The following KIFC2 variants were observed in gnomAD, a reference collection of about 807,000 sequenced individuals.
KIFC2 encodes the protein kinesin family member C2.
In KIFC2, 94 loss-of-function variants were observed where a neutral mutation model predicts 91.5. The observed-to-expected ratio is 1.03, with a 90% CI of 0.87 to 1.22. The LOEUF is 1.22. Ranked by LOEUF, KIFC2 falls within the 50% of genes most tolerant of loss-of-function variation. KIFC2 has a pLI of 0.00. For synonymous variants in KIFC2, 729 were observed against 503.9 expected, an observed-to-expected ratio of 1.45 and a Z score of -5.98; for missense variants, 1,357 against 1,103.3, an observed-to-expected ratio of 1.23 and a Z score of -3.26.
rs367916293 is a variant in KIFC2 at position 144,474,198 on chromosome 8, G to C, written c.*809G>C. 1.0e-5 allele frequency: 15 copies of C among 1,453,190 alleles called. No individual in the cohort carries two copies. The highest frequency in any genetic ancestry group is 1.3e-5 in the Non-Finnish European group (14 of 1,079,440). 90.0% of individuals were successfully genotyped at this position (1,453,190 alleles called of 1,614,324 possible). ...TTGGCTCCCTGTCAACAAGGTGGGG[G>C]TGGGAGCGGGAGGGAGGAGTGGCCC... On this transcript the variant is annotated 3_prime_UTR_variant, in exon 18 of 18. Coordinates refer to ENST00000645548, the MANE Select transcript of KIFC2 (RefSeq NM_001369769.2).
Position 144,473,349 on chromosome 8 carries a change from C to A in KIFC2, c.2336C>A (p.Ser779Ter). ...SPPCPSPDNG[S>*]GSALAPAEGL... ...CCATGCCCCAGTCCCGACAACGGCT[C>A]GGGCTCGGCTCTCGCGCCCGCAGAG... The change falls in exon 18 of 18, where the codon TCG (serine) becomes TAG (stop). Residue 779 changes from serine (S) to a stop codon, truncating the protein, a stop_gained. Coordinates refer to ENST00000645548, the MANE Select transcript of KIFC2 (RefSeq NM_001369769.2). LOFTEE classifies it low-confidence loss of function (END_TRUNC). The A allele has an allele frequency of 1.3e-6, 2 of 1,586,546 alleles. No individual in the cohort carries two copies. Among genetic ancestry groups the A allele is most frequent in the East Asian group, 2.3e-5 (1 of 43,140 alleles).
At chr8:144,470,391 G>C (rs1824878938) in intron 12 of KIFC2, among the ~76,000 whole-genome samples, 2 of 152,228 alleles carry the variant, frequency 1.3e-5, no homozygotes, top group Admixed American at 1.3e-4. Flanking sequence ...TCCTGGACAG[G>C]GTCCTCTCAG....
In KIFC2 at chr8:144,468,178, C is replaced by T. The variant is rs533391173; in HGVS notation, c.811-151C>T. On this transcript the variant is annotated intron_variant, in intron 7 of 17. Transcript: ENST00000645548. ...CTCTGAGTGGCTGACCCCAGGAGAG[C>T]AGAGGGACTGTGGGAAGGAGGTCTG... 56 of 1,021,238 alleles carry T rather than the reference C, an allele frequency of 5.5e-5. No individual in the cohort carries two copies. The East Asian group carries it at 1.4e-3, about 25-fold the overall frequency. The allele number at this position is 1,021,238 out of a possible 1,614,324, so 63.3% of individuals were successfully genotyped here.
At chr8:144,470,438 C>T (rs1028979022) in intron 12 of KIFC2, 2 of 152,332 alleles carry the variant, frequency 1.3e-5, no homozygotes, top group African/African-American at 2.4e-5. Flanking sequence ...GTGGACAAGC[C>T]CCTCATCTGT....
chr8:144,468,280 C>T (rs981382696), intron 7 of KIFC2, 49 bp from the exon 8 acceptor site: 6 of 1,503,506 alleles, frequency 4.0e-6, no homozygotes, highest in Admixed American at 1.9e-5. Flanking sequence ...TGAAATGGTA[C>T]CACAGACCGT....
intron 10 of KIFC2, 45 bp downstream of exon 10, chr8:144,468,879 T>G (rs1265910769): frequency 6.6e-7 from 1 of 1,517,474 alleles, no homozygotes; most frequent in Non-Finnish European, 9.1e-7. Flanking sequence ...GGGCAGCCTA[T>G]TCACTGTTCT....
At chr8:144,471,852 C>G in intron 12 of KIFC2, 90 bp from the exon 13 acceptor site, 1 of 1,148,188 alleles carries the variant, frequency 8.7e-7, no homozygotes, top group South Asian at 1.3e-5. Context: ...TCTGCTCACA[C>G]CTGCCTTCGT....
chr8:144,468,830 G>A lies in KIFC2; in HGVS notation c.1109G>A (p.Gly370Asp), dbSNP rs758911294. 13 of 1,613,042 alleles carry A rather than the reference G, an allele frequency of 8.1e-6. No individual in the cohort carries two copies. In the Admixed American group the frequency reaches 2.0e-4, roughly 25 times the overall value. Reference protein sequence around the residue: ...SCQGSLSEARGQVSWALGALS... With the variant: ...SCQGSLSEARDQVSWALGALS... ...CAGGGTTCGCTGAGTGAGGCCCGGG[G>A]CCAGGTCAGGACCCCTCCCCGCCTA... Residue 370 changes from glycine (G) to aspartate (D), a missense_variant, in exon 10 of 18, where the codon GGC (glycine) becomes GAC (aspartate). Gly to Asp is a moderately conservative substitution (Grantham distance 94). Transcript: ENST00000645548.
chr8:144,466,568 C>A, intron 1 of KIFC2, 50 bp downstream of exon 1: 1 of 1,029,154 alleles, frequency 9.7e-7, no homozygotes. Flanking sequence ...CCTGCCCCAC[C>A]CCCACGCCGA....
chr8:144,469,524 G>A lies in KIFC2; in HGVS notation c.1257G>A (p.Gly419=), dbSNP rs750410305. 2.5e-6 allele frequency: 4 copies of A among 1,614,002 alleles called. No homozygotes were observed. Among genetic ancestry groups the A allele is most frequent in the South Asian group, 1.1e-5 (1 of 91,090 alleles). ...GTGTGCTGTGTCGGCTGAGGCCAGG[G>A]ACATCTTCTAGCCTTGTGAGTGTGG... ...NIRVLCRLRP[G]TSSSLVSVEP... The change falls in exon 12 of 18, where the codon GGG becomes GGA. Residue 419 remains glycine (G), a synonymous_variant. Transcript: ENST00000645548.
Position 144,468,309 on chromosome 8 carries a change from T to G in KIFC2, c.811-20T>G. On this transcript the variant is annotated intron_variant, in intron 7 of 17. Transcript: ENST00000645548. ...AGACCGTCCCTCTCTGAGTCCCTCC[T>G]GGCCCCCACCCTCCCGCAGGAGGAG... is the stretch of plus-strand genomic sequence containing the variant. 6.3e-7 allele frequency: 1 copy of G among 1,598,118 alleles called. No individual in the cohort carries two copies. The highest frequency in any genetic ancestry group is 8.5e-7 in the Non-Finnish European group (1 of 1,172,076).
Position 144,467,971 on chromosome 8 carries a change from C to A in KIFC2, c.794C>A (p.Pro265His), listed in dbSNP as rs1393337981. ...CTGCTGCACTGGGGCCCCGGGCCCC[C>A]CATCAGGGCTCCGCAGGTACTCTGC... Reference protein sequence around the residue: ...DLLLHWGPGPPIRAPQEEAEA... With the variant: ...DLLLHWGPGPHIRAPQEEAEA... The change falls in exon 7 of 18, where the codon CCC becomes CAC. Residue 265 changes from proline to histidine, a missense_variant. By Grantham distance (77) the Pro-to-His change is moderately conservative. Coordinates refer to ENST00000645548, the MANE Select transcript of KIFC2 (RefSeq NM_001369769.2). 3 of 1,576,596 alleles carry A rather than the reference C, an allele frequency of 1.9e-6. No individual in the cohort carries two copies. The highest frequency in any genetic ancestry group is 1.2e-5 in the South Asian group (1 of 86,116).
Position 144,466,367 on chromosome 8 carries a change from G to GC in KIFC2, c.-52dup, listed in dbSNP as rs941063749. 3 of 762,380 alleles carry GC rather than the reference G, an allele frequency of 3.9e-6. No individual in the cohort carries two copies. The highest frequency in any genetic ancestry group is 5.1e-6 in the Non-Finnish European group (3 of 583,640). 47.2% of individuals were successfully genotyped at this position (762,380 alleles called of 1,614,324 possible). On this transcript the variant is annotated 5_prime_UTR_variant, in exon 1 of 18. Transcript: ENST00000645548. ...TGCGGCGGGCGGGCGCCGAGTCTGG[G>GC]CGCGGGGACGCGGGGCGGCGCGAAG...
rs762058316 is a variant in KIFC2, at chr8:144,466,998, AGGGCCGCGCGGCCGC to A, written c.221_235del (p.Gly74_Ala78del). ...GAGGATGGGTCGGAAGGCGCAGCCG[AGGGCCGCGCGGCCGC>A]GGTGTCCCTGGAAGAGGCCCTACTG... On this transcript the variant is annotated inframe_deletion, in exon 3 of 18. Coordinates refer to ENST00000645548, the MANE Select transcript of KIFC2 (RefSeq NM_001369769.2). The A allele has an allele frequency of 1.3e-6, 2 of 1,597,578 alleles. No individual in the cohort carries two copies. Among genetic ancestry groups the A allele is most frequent in the African/African-American group, 2.7e-5 (2 of 74,674 alleles).
intron 7 of KIFC2, 55 bp downstream of exon 7, chr8:144,468,042 G>A: frequency 6.7e-7 from 1 of 1,482,114 alleles, no homozygotes; most frequent in Non-Finnish European, 8.9e-7. Flanking sequence ...TTGCACACCT[G>A]GCATGCAGCC....
At chr8:144,472,767 C>G in intron 16 of KIFC2, 28 bp from the exon 17 acceptor site, 2 of 1,591,584 alleles carry the variant, frequency 1.3e-6, no homozygotes, top group Middle Eastern at 3.4e-4. Context: ...CCGGCCTTCC[C>G]CCATGTCGGG....
chr8:144,468,360 G>A lies in KIFC2; in HGVS notation c.842G>A (p.Gly281Asp). The A allele has an allele frequency of 1.9e-6, 3 of 1,612,718 alleles. No individual in the cohort carries two copies. The highest frequency in any genetic ancestry group is 2.5e-6 in the Non-Finnish European group (3 of 1,179,778). Residue 281 changes from glycine (G) to aspartate (D), a missense_variant, in exon 8 of 18, where the codon GGC (glycine) becomes GAC (aspartate). Gly to Asp is a moderately conservative substitution (Grantham distance 94). Transcript: ENST00000645548. Reference protein sequence around the residue: ...EEAEALLELQGRLQEAQDTTE... With the variant: ...EEAEALLELQDRLQEAQDTTE... ...GCAGAGGCATTGCTAGAGCTCCAGG[G>A]CCGGCTTCAGGAGGCCCAAGACACC...
Position 144,472,062 on chromosome 8 carries a change from C to T in KIFC2, c.1485+16C>T, listed in dbSNP as rs140304116. On this transcript the variant is annotated intron_variant, in intron 13 of 17. Coordinates refer to ENST00000645548, the MANE Select transcript of KIFC2 (RefSeq NM_001369769.2). ...CAGCATGGAGGTGGGACAGAGCTCA[C>T]GCCCCAGTGGGAGAGGCCCCAGGGG... 2.4e-4 allele frequency: 392 copies of T among 1,613,328 alleles called. No individual in the cohort carries two copies. In the African/African-American group the frequency reaches 4.5e-3, roughly 18 times the overall value.
chr8:144,472,710 C>T lies in KIFC2; in HGVS notation c.1861+4C>T. On this transcript the variant is annotated splice_donor_region_variant and intron_variant, in intron 16 of 17. Coordinates refer to ENST00000645548, the MANE Select transcript of KIFC2 (RefSeq NM_001369769.2). ...CCGCGCGCTCCAGGCACCGCAGGTA[C>T]CACGGCCGGTGCCTGAGCCCTGCGG... The T allele has an allele frequency of 1.9e-6, 3 of 1,593,624 alleles. No individual in the cohort carries two copies. Among genetic ancestry groups the T allele is most frequent in the Non-Finnish European group, 2.5e-6 (3 of 1,177,452 alleles).
Sources: allele counts gnomAD v4.1 joint callset (sites outside exome capture counted in the v4.1 genomes callset), GRCh38; gene constraint gnomAD v4.1.1; transcripts MANE v1.5; gene names NCBI Gene and HGNC (gene_info 2026-07-23, HGNC 2026-07-21).